Variants in FILIP1 observed in about 807,000 individuals in gnomAD.
FILIP1 encodes filamin A interacting protein 1.
FILIP1 carries 61 observed loss-of-function variants against 102.1 expected under a neutral mutation model. That is an observed-to-expected ratio of 0.60 (90% CI 0.49 to 0.74). The LOEUF (loss-of-function observed/expected upper bound fraction) is 0.74. FILIP1 is among the 30% of genes least tolerant of loss of function. FILIP1 has a pLI of 0.00. For missense variants in FILIP1, 1,314 were observed against 1,441.2 expected (o/e 0.91, Z 1.43); for synonymous variants, 491 against 526.9 (o/e 0.93, Z 0.93).
intron 2 of FILIP1, among the ~76,000 whole-genome samples, chr6:75,375,495 TG>T (rs1476991166): frequency 6.6e-6 from 1 of 152,178 alleles, no homozygotes; most frequent in Non-Finnish European, 1.5e-5. Context: ...CAGGAGTGTG[TG>T]GAACATGTGT....
At chr6:75,336,800 C>T (rs1340248736) in intron 4 of FILIP1, among the ~76,000 whole-genome samples, 1 of 152,110 alleles carries the variant, frequency 6.6e-6, no homozygotes, top group Non-Finnish European at 1.5e-5. Flanking sequence ...TAATTTAAAA[C>T]TCCACTATTG....
intron 2 of FILIP1, among the ~76,000 whole-genome samples, chr6:75,392,106 C>G (rs764009364): frequency 1.3e-5 from 2 of 152,158 alleles, no homozygotes; most frequent in Non-Finnish European, 2.9e-5. Flanking sequence ...TGATTTTCCT[C>G]TTTCCTCTCA....
intron 4 of FILIP1, among the ~76,000 whole-genome samples, chr6:75,337,900 C>T (rs959281359): frequency 2.6e-5 from 4 of 152,062 alleles, no homozygotes; most frequent in African/African-American, 9.7e-5. Context: ...GAGCACTTTC[C>T]TGATTTGAAT....
chr6:75,356,858 A>T (rs549858004), intron 3 of FILIP1, among the ~76,000 whole-genome samples: 1 of 152,188 alleles, frequency 6.6e-6, no homozygotes, highest in Non-Finnish European at 1.5e-5. Context: ...CTCCCCAAGA[A>T]CTTTCCAAAT....
chr6:75,424,794 A>G (rs575744053), intron 1 of FILIP1, among the ~76,000 whole-genome samples: 17 of 152,290 alleles, frequency 1.1e-4, no homozygotes, highest in African/African-American at 4.1e-4. Context: ...TTTGGATGAT[A>G]TCATTGCTTT....
chr6:75,431,483 C>T (rs1340991810), intron 1 of FILIP1, among the ~76,000 whole-genome samples: 1 of 152,074 alleles, frequency 6.6e-6, no homozygotes, highest in Non-Finnish European at 1.5e-5. Context: ...TTCTGTTCAC[C>T]CCTATTCTTA....
intron 1 of FILIP1, among the ~76,000 whole-genome samples, chr6:75,471,159 CAAAA>C (rs67671264): frequency 2.8e-5 from 2 of 72,272 alleles, no homozygotes; most frequent in Non-Finnish European, 2.6e-5. Context: ...GACCTTGTCT[CAAAA>C]AAAAAAAAAA....
intron 3 of FILIP1, among the ~76,000 whole-genome samples, chr6:75,360,417 T>G (rs1775137645): frequency 6.6e-6 from 1 of 152,152 alleles, no homozygotes; most frequent in Non-Finnish European, 1.5e-5. Context: ...CCGGATATAT[T>G]AATACAACTT....
At chr6:75,443,748 C>T (rs1182284324) in intron 1 of FILIP1, among the ~76,000 whole-genome samples, 1 of 152,196 alleles carries the variant, frequency 6.6e-6, no homozygotes, top group Non-Finnish European at 1.5e-5. Context: ...GCAGCTGTCG[C>T]CTTAGACAAG....
intron 4 of FILIP1, among the ~76,000 whole-genome samples, chr6:75,347,315 A>C (rs1279719941): frequency 6.6e-6 from 1 of 152,250 alleles, no homozygotes; most frequent in African/African-American, 2.4e-5. Context: ...TGTAAGGATT[A>C]AACAAGATGG....
chr6:75,382,682 G>A (rs1775944587), intron 2 of FILIP1, among the ~76,000 whole-genome samples: 1 of 152,186 alleles, frequency 6.6e-6, no homozygotes, highest in Non-Finnish European at 1.5e-5. Flanking sequence ...ATTTCACAAG[G>A]AAGACCTTCG....
intron 1 of FILIP1, among the ~76,000 whole-genome samples, chr6:75,430,403 T>A (rs1302057659): frequency 4.6e-5 from 7 of 152,186 alleles, no homozygotes; most frequent in Admixed American, 2.6e-4. Flanking sequence ...AACATGTATA[T>A]GTATTTATAA....
intron 1 of FILIP1, among the ~76,000 whole-genome samples, chr6:75,464,155 T>G (rs1212224093): frequency 6.6e-6 from 1 of 152,226 alleles, no homozygotes; most frequent in Admixed American, 6.5e-5. Context: ...CAATTTTGAT[T>G]AACTTGTTTT....
intron 3 of FILIP1, among the ~76,000 whole-genome samples, chr6:75,355,167 C>T (rs182376992): frequency 1.2e-3 from 189 of 151,812 alleles, no homozygotes; most frequent in African/African-American, 4.2e-3. Context: ...TGTTGGCAGA[C>T]GCCTGTAATC....
At chr6:75,365,667 G>A (rs958353237) in intron 2 of FILIP1, among the ~76,000 whole-genome samples, 4 of 151,852 alleles carry the variant, frequency 2.6e-5, no homozygotes, top group African/African-American at 9.7e-5. Flanking sequence ...GATTACAGGC[G>A]TGAGCCACTG....
chr6:75,483,711 T>A (rs1484788069), intron 1 of FILIP1, among the ~76,000 whole-genome samples: 1 of 152,152 alleles, frequency 6.6e-6, no homozygotes, highest in Non-Finnish European at 1.5e-5. Flanking sequence ...AAGGTCACCA[T>A]AACCAGCTGC....
intron 4 of FILIP1, among the ~76,000 whole-genome samples, chr6:75,322,774 A>G (rs1013239548): frequency 4.3e-4 from 66 of 151,992 alleles, no homozygotes; most frequent in Non-Finnish European, 1.6e-4. Flanking sequence ...GCTCACTGTA[A>G]CCTCAGCCTC....
chr6:75,391,030 C>T (rs1776266106), intron 2 of FILIP1, among the ~76,000 whole-genome samples: 1 of 152,088 alleles, frequency 6.6e-6, no homozygotes, highest in Non-Finnish European at 1.5e-5. Context: ...AAAATTACAA[C>T]TATCTGTAAT....
At chr6:75,465,575 A>T (rs1484476886) in intron 1 of FILIP1, 3 of 503,748 alleles carry the variant, frequency 6.0e-6, no homozygotes, top group Non-Finnish European at 1.1e-5. Flanking sequence ...AGCAATTAAA[A>T]AAAAAAACAA....
Sources: gnomAD v4.1 joint callset for allele counts (sites outside exome capture counted in the v4.1 genomes callset) on GRCh38, gnomAD v4.1.1 for gene constraint, MANE v1.5 for transcripts, NCBI Gene and HGNC (gene_info 2026-07-23, HGNC 2026-07-21) for gene names.